The following CENPF variants were observed in gnomAD, a reference collection of about 807,000 sequenced individuals.
CENPF encodes AH antigen.
CENPF carries 214 observed loss-of-function variants against 307.3 expected under a neutral mutation model. The observed-to-expected ratio is 0.70, with a 90% confidence interval of 0.62 to 0.78. The LOEUF is 0.78. Among genes scored for constraint, CENPF ranks in the 30% least tolerant of loss-of-function variants. The pLI, the probability that CENPF is intolerant of heterozygous loss-of-function variation, is 0.00. For missense variants in CENPF, 3,401 were observed against 3,483.9 expected, an observed-to-expected ratio of 0.98 and a Z score of 0.60; for synonymous variants, 1,259 against 1,270.6, an observed-to-expected ratio of 0.99 and a Z score of 0.19.
chr1:214,617,004 T>TTCTTTCTTTCTTTCTCTTTC (rs1657378241), intron 3 of CENPF, among the ~76,000 whole-genome samples: 2 of 139,688 alleles, frequency 1.4e-5, no homozygotes, highest in Admixed American at 1.4e-4. Context: ...CTTTCTCTCT[T>TTCTTTCTTTCTTTCTCTTTC]TCTTTCTTTC....
intron 1 of CENPF, among the ~76,000 whole-genome samples, chr1:214,603,972 A>G (rs571015270): frequency 6.6e-6 from 1 of 152,050 alleles, no homozygotes; most frequent in African/African-American, 2.4e-5. Flanking sequence ...CCTCCCTTCC[A>G]CATTTATTTG....
At chr1:214,635,880 T>A (rs1330808017) in intron 10 of CENPF, among the ~76,000 whole-genome samples, 1 of 152,166 alleles carries the variant, frequency 6.6e-6, no homozygotes, top group Non-Finnish European at 1.5e-5. Flanking sequence ...GTGCCCTCTC[T>A]CTCTTCTTTT....
At chr1:214,626,667 C>T (rs1022919179) in intron 7 of CENPF, among the ~76,000 whole-genome samples, 1 of 152,194 alleles carries the variant, frequency 6.6e-6, no homozygotes, top group African/African-American at 2.4e-5. Flanking sequence ...TAATGAACTT[C>T]TGAGCCCCAG....
chr1:214,644,118 G>T (rs1658212494), intron 12 of CENPF, among the ~76,000 whole-genome samples: 1 of 152,186 alleles, frequency 6.6e-6, no homozygotes, highest in African/African-American at 2.4e-5. Flanking sequence ...TGGGGATTAA[G>T]TCCTTGGACT....
chr1:214,646,938 C>A lies in CENPF; in HGVS notation c.7368C>A (p.Ala2456=). Residue 2456 remains alanine (A), a synonymous_variant, in exon 13 of 20, where the codon GCC becomes GCA. Coordinates refer to ENST00000366955, the MANE Select transcript of CENPF (RefSeq NM_016343.4). ...QLKELNERVA[A]LHNDQEACKA... The stretch of plus-strand genomic sequence containing the variant: ...AAGAGCTCAATGAGAGAGTGGCAGC[C>A]CTGCATAATGACCAAGAAGCCTGTA... 1 of 1,614,038 alleles carries A rather than the reference C, an allele frequency of 6.2e-7. No individual in the cohort carries two copies. The highest frequency in any genetic ancestry group is 8.5e-7 in the Non-Finnish European group (1 of 1,179,998).
chr1:214,646,059 G>A lies in CENPF; in HGVS notation c.6489G>A (p.Leu2163=). Residue 2163 remains leucine, a synonymous_variant, in exon 13 of 20, where the codon TTG becomes TTA. Coordinates refer to ENST00000366955, the MANE Select transcript of CENPF (RefSeq NM_016343.4). ...AAGTTGAGAACCTTGAAAGGGAATT[G>A]CAGATGTCAGAAGAAAACCAGGAGC... ...KDKVENLERE[L]QMSEENQELV... The A allele has an allele frequency of 6.2e-7, 1 of 1,614,036 alleles. No homozygotes were observed. The highest frequency in any genetic ancestry group is 8.5e-7 in the Non-Finnish European group (1 of 1,180,022).
chr1:214,651,613 A>AT (rs951626074), intron 14 of CENPF, 97 bp from the exon 15 acceptor site: 88 of 843,190 alleles, frequency 1.0e-4, no homozygotes, highest in Non-Finnish European at 1.4e-4. Context: ...GCCCATAAAT[A>AT]TTTTTTTTCT....
Position 214,655,306 on chromosome 1 carries a change from G to A in CENPF, c.8388G>A (p.Lys2796=), listed in dbSNP as rs1658601917. The change falls in exon 17 of 20, where the codon AAG becomes AAA. Residue 2796 remains lysine (K), a synonymous_variant. Transcript: ENST00000366955. ...KENERAQGKM[K]LLIKSCKQLE... is the part of the protein sequence containing the mutation. ...ATGAACGTGCCCAGGGGAAAATGAA[G>A]TTGTTGATCAAATCCTGTAAACAGC... 4.3e-6 allele frequency: 7 copies of A among 1,609,648 alleles called. No homozygotes were observed. The highest frequency in any genetic ancestry group is 5.9e-6 in the Non-Finnish European group (7 of 1,177,754).
chr1:214,638,104 C>A lies in CENPF; in HGVS notation c.1582+103C>A, dbSNP rs1001742622. 4.0e-5 allele frequency: 47 copies of A among 1,170,992 alleles called. No individual in the cohort carries two copies. In the South Asian group the frequency reaches 7.6e-4, roughly 19 times the overall value. The allele number at this position is 1,170,992 out of a possible 1,614,324, so 72.5% of individuals were successfully genotyped here. A position where few individuals can be genotyped will look rare whatever the true frequency, so the allele number is the denominator to read the frequency against. On this transcript the variant is annotated intron_variant, in intron 11 of 19. Transcript: ENST00000366955. ...TAGAGAAACTCTTTGGATTTTTTTT[C>A]ATATATTCCCTCAAAAAGATGTGCG...
At chr1:214,603,439 C>T (rs2102519407) in intron 1 of CENPF, 118 bp downstream of exon 1, 1 of 152,352 alleles carries the variant, frequency 6.6e-6, no homozygotes, top group South Asian at 2.0e-4. Context: ...CCTCTGGGAT[C>T]ACTCTCCCGG....
At position 214,630,941 on chromosome 1, in the gene CENPF, T is replaced by C. The variant is rs141656397; in HGVS notation, c.1323+279T>C. ...ATGACCAGGTGGGAGCTGTCCCAAG[T>C]AATTTATGCCCCCAAGTAGTTAAAG... is the stretch of plus-strand genomic sequence containing the variant. On this transcript the variant is annotated intron_variant, in intron 9 of 19. Transcript: ENST00000366955. Among the ~76,000 whole-genome samples the C allele has an allele frequency of 1.4e-3, 210 of 152,302 alleles. 2 individuals carry two copies. The highest frequency in any genetic ancestry group is 4.9e-3 in the African/African-American group (203 of 41,580).
At chr1:214,604,198 G>A (rs764249259) in intron 1 of CENPF, among the ~76,000 whole-genome samples, 1 of 152,162 alleles carries the variant, frequency 6.6e-6, no homozygotes, top group African/African-American at 2.4e-5. Context: ...GGTCACACAA[G>A]AGCTTCCTTG....
chr1:214,654,302 G>A (rs1658572572), intron 16 of CENPF: 1 of 152,206 alleles, frequency 6.6e-6, no homozygotes, highest in African/African-American at 2.4e-5. Flanking sequence ...GCCAGGTGTG[G>A]TGACTCATGC....
Position 214,622,188 on chromosome 1 carries a change from A to G in CENPF, c.975A>G (p.Ala325=). The change falls in exon 7 of 20, where the codon GCA becomes GCG. Residue 325 remains alanine (A), a synonymous_variant. Transcript: ENST00000366955. ...AACTCCAACTCCAACTGGAGAAAGC[A>G]AAAGTGGAATTAATTGAAAAAGAGA... ...FQELQLQLEK[A]KVELIEKEKV... 3 of 1,614,102 alleles carry G rather than the reference A, an allele frequency of 1.9e-6. No homozygotes were observed. The highest frequency in any genetic ancestry group is 1.1e-5 in the South Asian group (1 of 91,082).
chr1:214,658,984 G>T lies in CENPF; in HGVS notation c.9097G>T (p.Ala3033Ser), dbSNP rs907294652. 2 of 1,614,106 alleles carry T rather than the reference G, an allele frequency of 1.2e-6. No homozygotes were observed. The highest frequency in any genetic ancestry group is 1.7e-6 in the Non-Finnish European group (2 of 1,180,004). ...SPLSLGKENL[A>S]ESSKPTAGGS... ...ACTGAGTCTCGGCAAAGAAAATCTT[G>T]CAGAGTCCTCCAAACCAACAGCTGG... Residue 3033 changes from alanine to serine, a missense_variant, in exon 19 of 20, where the codon GCA becomes TCA. By Grantham distance (99) the Ala-to-Ser change is moderately conservative. Coordinates refer to ENST00000366955, the MANE Select transcript of CENPF (RefSeq NM_016343.4).
chr1:214,606,046 G>A lies in CENPF; in HGVS notation c.-42+2725G>A, dbSNP rs1444252566. ...TGGGCACCGTGCCGATGCTCTGCCC[G>A]TACAGGATGATGCTGTCCGGGCTGA... On this transcript the variant is annotated intron_variant, in intron 1 of 19. Transcript: ENST00000366955. The A allele has an allele frequency of 1.0e-5, 16 of 1,595,054 alleles. No individual in the cohort carries two copies. The East Asian group carries it at 1.1e-4, about 11-fold the overall frequency.
chr1:214,615,575 A>G (rs1054993645), intron 3 of CENPF, among the ~76,000 whole-genome samples: 3 of 152,164 alleles, frequency 2.0e-5, no homozygotes, highest in Admixed American at 6.5e-5. Flanking sequence ...AATAGCATGG[A>G]GGGCCCAGTT....
chr1:214,627,810 T>C (rs551488331), intron 7 of CENPF, among the ~76,000 whole-genome samples: 1 of 152,374 alleles, frequency 6.6e-6, no homozygotes, highest in South Asian at 2.1e-4. Flanking sequence ...CCTTGTCAAA[T>C]GTGTAACTGA....
chr1:214,629,719 T>G (rs1188839508), intron 8 of CENPF, among the ~76,000 whole-genome samples: 1 of 151,948 alleles, frequency 6.6e-6, no homozygotes, highest in African/African-American at 2.4e-5. Flanking sequence ...ACCTGGCTAA[T>G]TTTTGTATTT....
Sources: gnomAD v4.1 joint callset for allele counts (sites outside exome capture counted in the v4.1 genomes callset) on GRCh38, gnomAD v4.1.1 for gene constraint, MANE v1.5 for transcripts, NCBI Gene and HGNC (gene_info 2026-07-23, HGNC 2026-07-21) for gene names.